MDGA2: variants seen among roughly 807,000 people sequenced by gnomAD.
The protein encoded by MDGA2 is MAM domain-containing glycosylphosphatidylinositol anchor protein 2.
In MDGA2, 40 loss-of-function variants were observed where a neutral mutation model predicts 117.8. The ratio of observed to expected loss-of-function variants is 0.34; its 90% CI spans 0.26 to 0.44. The LOEUF (loss-of-function observed/expected upper bound fraction) is 0.44. Among genes scored for constraint, MDGA2 ranks in the 20% least tolerant of loss-of-function variants. The pLI, the probability that MDGA2 is intolerant of heterozygous loss-of-function variation, is 1.00. For missense variants in MDGA2, 1,123 were observed against 1,250.6 expected (o/e 0.90, Z 1.54); for synonymous variants, 452 against 439.0 (o/e 1.03, Z -0.37).
chr14:47,125,787 G>A (rs1881871463), intron 5 of MDGA2, among the ~76,000 whole-genome samples: 1 of 151,902 alleles, frequency 6.6e-6, no homozygotes, highest in African/African-American at 2.4e-5. Context: ...TATATAATTA[G>A]GCCAAATGAG....
At chr14:47,490,709 A>G (rs1277126743) in intron 1 of MDGA2, among the ~76,000 whole-genome samples, 1 of 152,166 alleles carries the variant, frequency 6.6e-6, no homozygotes, top group Non-Finnish European at 1.5e-5. Context: ...CAAAGGAAGA[A>G]ACTTTGAAAA....
At chr14:47,378,715 T>C (rs1001679785) in intron 1 of MDGA2, among the ~76,000 whole-genome samples, 23 of 152,288 alleles carry the variant, frequency 1.5e-4, no homozygotes, top group Middle Eastern at 3.4e-3. Context: ...TATGGGACTA[T>C]GTGAAAAGAC....
intron 1 of MDGA2, among the ~76,000 whole-genome samples, chr14:47,649,175 A>G (rs1215838949): frequency 1.3e-5 from 2 of 152,112 alleles, no homozygotes; most frequent in Non-Finnish European, 2.9e-5. Context: ...CCTATTGGGT[A>G]TTTTTTTCTT....
chr14:47,088,340 A>C (rs978715736), intron 6 of MDGA2, among the ~76,000 whole-genome samples: 1 of 152,094 alleles, frequency 6.6e-6, no homozygotes, highest in African/African-American at 2.4e-5. Context: ...CAGAATATTA[A>C]ATTGGGAAAA....
At chr14:46,868,056 C>A (rs909022460) in intron 14 of MDGA2, among the ~76,000 whole-genome samples, 1 of 151,816 alleles carries the variant, frequency 6.6e-6, no homozygotes, top group Non-Finnish European at 1.5e-5. Context: ...TAGTTTGGAT[C>A]ATTCTTTAAA....
intron 1 of MDGA2, among the ~76,000 whole-genome samples, chr14:47,670,053 T>G (rs72673238): frequency 0.064 from 9,786 of 152,192 alleles, 377 homozygotes; most frequent in East Asian, 0.18. Flanking sequence ...TGTTCTTAAT[T>G]TCACCAAGGC....
At chr14:47,497,506 C>T (rs967814146) in intron 1 of MDGA2, among the ~76,000 whole-genome samples, 1 of 152,094 alleles carries the variant, frequency 6.6e-6, no homozygotes, top group African/African-American at 2.4e-5. Flanking sequence ...GATCTGCCCG[C>T]CTCAACCTCC....
intron 2 of MDGA2, among the ~76,000 whole-genome samples, chr14:47,252,908 G>A (rs1463906115): frequency 1.3e-5 from 2 of 152,172 alleles, no homozygotes; most frequent in Non-Finnish European, 2.9e-5. Flanking sequence ...GGAGGCCTCA[G>A]GAAATTTAAC....
At chr14:47,326,882 G>A (rs1238238176) in intron 1 of MDGA2, among the ~76,000 whole-genome samples, 1 of 152,082 alleles carries the variant, frequency 6.6e-6, no homozygotes, top group Middle Eastern at 3.2e-3. Context: ...TTTCATTGAA[G>A]CTTTTTTCAT....
At chr14:46,956,578 TAAAC>T (rs943446827) in intron 9 of MDGA2, among the ~76,000 whole-genome samples, 73 of 145,440 alleles carry the variant, frequency 5.0e-4, no homozygotes, top group African/African-American at 1.4e-3. Context: ...AATAAGCAAA[TAAAC>T]AAAAGAAAAA....
intron 1 of MDGA2, among the ~76,000 whole-genome samples, chr14:47,341,850 T>C (rs1366553454): frequency 6.6e-6 from 1 of 152,078 alleles, no homozygotes; most frequent in Admixed American, 6.6e-5. Flanking sequence ...TCTTTGTCTT[T>C]TATTTCAAGA....
At chr14:47,484,108 A>G (rs1894008947) in intron 1 of MDGA2, among the ~76,000 whole-genome samples, 1 of 152,234 alleles carries the variant, frequency 6.6e-6, no homozygotes, top group Admixed American at 6.5e-5. Context: ...ATATGGCTAC[A>G]TGCATATTTC....
intron 1 of MDGA2, among the ~76,000 whole-genome samples, chr14:47,337,129 T>C (rs1890483724): frequency 6.6e-6 from 1 of 152,124 alleles, no homozygotes; most frequent in Non-Finnish European, 1.5e-5. Flanking sequence ...ACTATAACTG[T>C]AATTTACATT....
At chr14:47,213,951 G>A (rs1885984245) in intron 3 of MDGA2, among the ~76,000 whole-genome samples, 1 of 152,080 alleles carries the variant, frequency 6.6e-6, no homozygotes. Flanking sequence ...AGCACAGAAT[G>A]GAAAGAGTAC....
intron 1 of MDGA2, among the ~76,000 whole-genome samples, chr14:47,335,250 A>G (rs1296834980): frequency 2.0e-5 from 3 of 147,300 alleles, no homozygotes; most frequent in African/African-American, 2.5e-5. Flanking sequence ...TTATTTGGTG[A>G]TCAGTACTAC....
chr14:47,282,899 G>A (rs914879553), intron 2 of MDGA2, among the ~76,000 whole-genome samples: 2 of 152,020 alleles, frequency 1.3e-5, no homozygotes, highest in African/African-American at 2.4e-5. Context: ...AATGAGCTAT[G>A]ATCATGCCAC....
intron 9 of MDGA2, among the ~76,000 whole-genome samples, chr14:46,942,519 C>T (rs547036262): frequency 2.6e-5 from 4 of 152,100 alleles, no homozygotes; most frequent in African/African-American, 7.2e-5. Flanking sequence ...GATATAGATT[C>T]CCATCTCTGC....
intron 8 of MDGA2, among the ~76,000 whole-genome samples, chr14:46,976,681 CTTCA>C (rs1387407543): frequency 3.9e-5 from 6 of 151,928 alleles, no homozygotes; most frequent in Admixed American, 3.9e-4. Flanking sequence ...AGTTTGCTGT[CTTCA>C]TTGTTTTATT....
chr14:46,978,790 A>G (rs1234371913), intron 8 of MDGA2, among the ~76,000 whole-genome samples: 1 of 152,122 alleles, frequency 6.6e-6, no homozygotes, highest in Non-Finnish European at 1.5e-5. Context: ...AGGCAAGATA[A>G]TATTTATATC....
Sources: allele counts gnomAD v4.1 joint callset (sites outside exome capture counted in the v4.1 genomes callset), GRCh38; gene constraint gnomAD v4.1.1; transcripts MANE v1.5; gene names NCBI Gene and HGNC (gene_info 2026-07-23, HGNC 2026-07-21).